ZNF740: variants seen among roughly 807,000 people sequenced by gnomAD.
ZNF740 encodes the protein oriLyt TD-element-binding protein 7.
Under a neutral mutation model 24.8 loss-of-function variants are expected in ZNF740, and 14 were observed. That is an observed-to-expected ratio of 0.56 (90% CI 0.37 to 0.88). The LOEUF is 0.88. Ranked by LOEUF, ZNF740 falls within the 40% of genes least tolerant of loss-of-function variation. ZNF740 has a pLI of 0.00. For synonymous variants in ZNF740, 69 were observed against 84.0 expected (o/e 0.82, Z 0.98); for missense variants, 201 against 247.9 (o/e 0.81, Z 1.27).
At chr12:53,182,147 G>A in intron 2 of ZNF740, 155 bp downstream of exon 2, 2 of 1,080,340 alleles carry the variant, frequency 1.9e-6, no homozygotes, top group Non-Finnish European at 2.7e-6. Context: ...AAGGAGACAG[G>A]CCACAGCCCC....
intron 2 of ZNF740, among the ~76,000 whole-genome samples, chr12:53,183,973 G>A (rs972909024): frequency 1.3e-5 from 2 of 152,002 alleles, no homozygotes; most frequent in African/African-American, 2.4e-5. Context: ...GCAGTGAGCC[G>A]AGATCGTGCC....
chr12:53,194,398 C>T lies in ZNF740; in HGVS notation c.*6808C>T. 1 of 1,575,864 alleles carries T rather than the reference C, an allele frequency of 6.3e-7. No individual in the cohort carries two copies. The highest frequency in any genetic ancestry group is 1.1e-5 in the South Asian group (1 of 88,446). On this transcript the variant is annotated 3_prime_UTR_variant, in exon 7 of 7. Coordinates refer to ENST00000416904, the MANE Select transcript of ZNF740 (RefSeq NM_001004304.4). ...CGTGAAGGCAGAAAAGGACTCCAAC[C>T]CCACCTTATGTCCTCTCCAGGTGTT... is the stretch of plus-strand genomic sequence containing the variant.
rs1482026475 is a variant in ZNF740 at position 53,193,062 on chromosome 12, A to G, written c.*5472A>G. 6 of 1,429,890 alleles carry G rather than the reference A, an allele frequency of 4.2e-6. No homozygotes were observed. The highest frequency in any genetic ancestry group is 2.5e-5 in the South Asian group (2 of 79,436). The allele number at this position is 1,429,890 out of a possible 1,614,324, so 88.6% of individuals were successfully genotyped here. A position where few individuals can be genotyped will look rare whatever the true frequency, so the allele number is the denominator to read the frequency against. ...CGGAATCTTTTGATATTTGCCTTCCATGCCAGGAGATTCCCAGAGCCTAAG... is the reference window on the plus strand; with the variant it reads ...CGGAATCTTTTGATATTTGCCTTCCGTGCCAGGAGATTCCCAGAGCCTAAG... On this transcript the variant is annotated 3_prime_UTR_variant, in exon 7 of 7. Transcript: ENST00000416904.
Position 53,180,807 on chromosome 12 carries a change from C to G in ZNF740, c.-338C>G. Reference sequence around the variant, plus strand: ...GGGCCTGGAGGAGGCGCCGCGCGGCCAGGGAGCCAGCGGGAGGCCGCGCCT... The same window carrying G: ...GGGCCTGGAGGAGGCGCCGCGCGGCGAGGGAGCCAGCGGGAGGCCGCGCCT... On this transcript the variant is annotated 5_prime_UTR_variant, in exon 1 of 7. Transcript: ENST00000416904. 1.1e-5 allele frequency: 14 copies of G among 1,271,882 alleles called. No individual in the cohort carries two copies. The highest frequency in any genetic ancestry group is 1.3e-5 in the Non-Finnish European group (13 of 982,104). The allele number at this position is 1,271,882 out of a possible 1,614,324, so 78.8% of individuals were successfully genotyped here.
rs560265209 is a variant in ZNF740 at position 53,191,385 on chromosome 12, C to T, written c.*3795C>T. Reference sequence around the variant, plus strand: ...GCCCAGATGGATGCAAGGTTGCAGGCATGGGAAGCAGCCCTCTTGGGTGTC... The same window carrying T: ...GCCCAGATGGATGCAAGGTTGCAGGTATGGGAAGCAGCCCTCTTGGGTGTC... On this transcript the variant is annotated 3_prime_UTR_variant, in exon 7 of 7. Coordinates refer to ENST00000416904, the MANE Select transcript of ZNF740 (RefSeq NM_001004304.4). 3 of 637,472 alleles carry T rather than the reference C, an allele frequency of 4.7e-6. No homozygotes were observed. The highest frequency in any genetic ancestry group is 2.8e-5 in the East Asian group (1 of 36,276). 39.5% of individuals were successfully genotyped at this position (637,472 alleles called of 1,614,324 possible). A position where few individuals can be genotyped will look rare whatever the true frequency, so the allele number is the denominator to read the frequency against.
chr12:53,191,458 G>T lies in ZNF740; in HGVS notation c.*3868G>T. 1 of 945,548 alleles carries T rather than the reference G, an allele frequency of 1.1e-6. No homozygotes were observed. The highest frequency in any genetic ancestry group is 1.7e-6 in the Non-Finnish European group (1 of 574,406). The allele number at this position is 945,548 out of a possible 1,614,324, so 58.6% of individuals were successfully genotyped here. A position where few individuals can be genotyped will look rare whatever the true frequency, so the allele number is the denominator to read the frequency against. On this transcript the variant is annotated 3_prime_UTR_variant, in exon 7 of 7. Transcript: ENST00000416904. ...GTGGCCGCACCTCGCCAGTGAATTA[G>T]TCCCCTACCAAGGTCTTACAGACCC...
Position 53,185,027 on chromosome 12 carries a change from G to A in ZNF740, c.146G>A (p.Arg49Lys), listed in dbSNP as rs1941795886. Reference protein sequence around the residue: ...GERAGSPDVLRCSSQGHRKDS... With the variant: ...GERAGSPDVLKCSSQGHRKDS... ...CGGGCAGGTAGCCCTGATGTGCTGA[G>A]GTGCTCGAGTCAGGTACAGCGCTTG... Residue 49 changes from arginine to lysine, a missense_variant, in exon 3 of 7, where the codon AGG becomes AAG. This residue lies in a region of ZNF740 where 117 missense variants were observed against 122.3 expected (regional missense o/e 0.96). Transcript: ENST00000416904. 6.2e-7 allele frequency: 1 copy of A among 1,613,854 alleles called. No homozygotes were observed. The highest frequency in any genetic ancestry group is 1.1e-5 in the South Asian group (1 of 91,086).
rs1432343623 is a variant in ZNF740 at position 53,193,706 on chromosome 12, A to G, written c.*6116A>G. On this transcript the variant is annotated 3_prime_UTR_variant, in exon 7 of 7. Coordinates refer to ENST00000416904, the MANE Select transcript of ZNF740 (RefSeq NM_001004304.4). ...TGGTTGAAGGGAAGAGGAGGCCCTC[A>G]CCTGCATACACCACATTGTAGGTGT... The G allele has an allele frequency of 1.2e-6, 2 of 1,608,118 alleles. No individual in the cohort carries two copies. Among genetic ancestry groups the G allele is most frequent in the East Asian group, 2.2e-5 (1 of 44,818 alleles).
intron 6 of ZNF740, 35 bp downstream of exon 6, chr12:53,186,544 A>G (rs1164309901): frequency 4.9e-5 from 74 of 1,507,194 alleles, no homozygotes; most frequent in Non-Finnish European, 3.6e-6. Flanking sequence ...CCCCACACAC[A>G]CTTTTCCTTC....
chr12:53,184,810 A>G, intron 2 of ZNF740, 81 bp from the exon 3 acceptor site: 1 of 1,497,880 alleles, frequency 6.7e-7, no homozygotes, highest in South Asian at 1.2e-5. Flanking sequence ...CAGGGTGTAA[A>G]AGGTAGTTCT....
rs779713187 is a variant in ZNF740 at position 53,180,845 on chromosome 12, C to G, written c.-308+8C>G. On this transcript the variant is annotated splice_region_variant and intron_variant, in intron 1 of 6. Coordinates refer to ENST00000416904, the MANE Select transcript of ZNF740 (RefSeq NM_001004304.4). ...GGAGGCCGCGCCTGGCAGGTAGGAGCAAGCCCCAAAGACCGCAGCGTCGTC... is the reference window on the plus strand; with the variant it reads ...GGAGGCCGCGCCTGGCAGGTAGGAGGAAGCCCCAAAGACCGCAGCGTCGTC... 7.9e-7 allele frequency: 1 copy of G among 1,269,540 alleles called. No homozygotes were observed. Among genetic ancestry groups the G allele is most frequent in the South Asian group, 1.3e-5 (1 of 78,734 alleles). 78.6% of individuals were successfully genotyped at this position (1,269,540 alleles called of 1,614,324 possible).
chr12:53,181,179 C>T (rs1401247568), intron 1 of ZNF740: 4 of 985,388 alleles, frequency 4.1e-6, no homozygotes, highest in Non-Finnish European at 3.6e-6. Flanking sequence ...ACACGCCGCG[C>T]CGGGCTTCGC....
chr12:53,182,602 A>T (rs535436782), intron 2 of ZNF740, among the ~76,000 whole-genome samples: 4 of 152,140 alleles, frequency 2.6e-5, no homozygotes, highest in Non-Finnish European at 4.4e-5. Flanking sequence ...AGGTTGAAAG[A>T]TGCATAGGAT....
chr12:53,192,497 G>C lies in ZNF740; in HGVS notation c.*4907G>C. The C allele has an allele frequency of 6.2e-7, 1 of 1,614,162 alleles. No homozygotes were observed. The highest frequency in any genetic ancestry group is 8.5e-7 in the Non-Finnish European group (1 of 1,180,044). On this transcript the variant is annotated 3_prime_UTR_variant, in exon 7 of 7. Transcript: ENST00000416904. ...GGCACAAGCTGTACTGCAGTTGGTG[G>C]CCAGTGGGCCAGTCCTGAAGGCCCC... is the stretch of plus-strand genomic sequence containing the variant.
rs80201470 is a variant in ZNF740 at position 53,191,494 on chromosome 12, T to C, written c.*3904T>C. On this transcript the variant is annotated 3_prime_UTR_variant, in exon 7 of 7. Transcript: ENST00000416904. ...AGGTCTTACAGACCCACCCTTCCTC[T>C]CACCCTCCAGTTCCCACTGTCCTCC... 5.7e-3 allele frequency: 7,604 copies of C among 1,343,732 alleles called. 333 individuals are homozygous for C. The African/African-American group carries it at 0.095, about 17-fold the overall frequency. 83.2% of individuals were successfully genotyped at this position (1,343,732 alleles called of 1,614,324 possible).
intron 2 of ZNF740, among the ~76,000 whole-genome samples, chr12:53,184,111 A>AGGGG (rs202020473): frequency 1.7e-4 from 17 of 97,818 alleles, no homozygotes; most frequent in African/African-American, 5.6e-4. Context: ...TCTGAAGCTA[A>AGGGG]GGGGTGTGTG....
At position 53,186,044 on chromosome 12, in the gene ZNF740, T is replaced by A; in HGVS notation, c.340T>A (p.Tyr114Asn). 6.2e-7 allele frequency: 1 copy of A among 1,613,996 alleles called. No individual in the cohort carries two copies. The highest frequency in any genetic ancestry group is 8.5e-7 in the Non-Finnish European group (1 of 1,179,852). Residue 114 changes from tyrosine to asparagine, a missense_variant, in exon 5 of 7, where the codon TAC becomes AAC. Tyr to Asn is a moderately radical substitution (Grantham distance 143, BLOSUM62 -2). This residue lies in a region of ZNF740 where 60 missense variants were observed against 107.8 expected (regional missense o/e 0.56). Coordinates refer to ENST00000416904, the MANE Select transcript of ZNF740 (RefSeq NM_001004304.4). ...CTGCTTTGGAGCCTTTCGGAGCAGT[T>A]ACCACCTAAAGAGGCACATCCTTAT... ...EHCFGAFRSSYHLKRHILIHT... is the reference protein window; with the variant it reads ...EHCFGAFRSSNHLKRHILIHT...
rs1941873616 is a variant in ZNF740, at chr12:53,188,786, A to C, written c.*1196A>C. 6.6e-6 allele frequency: 1 copy of C among 152,140 alleles called. No individual in the cohort carries two copies. The highest frequency in any genetic ancestry group is 2.4e-5 in the African/African-American group (1 of 41,414). The allele number at this position is 152,140 out of a possible 1,614,324, so 9.4% of individuals were successfully genotyped here. On this transcript the variant is annotated 3_prime_UTR_variant, in exon 7 of 7. Coordinates refer to ENST00000416904, the MANE Select transcript of ZNF740 (RefSeq NM_001004304.4). ...TGGGGGTGGGGGTGCTGCAGAGAAAAGACTAAAGAAGAAACCTAATGTAGG... is the reference window on the plus strand; with the variant it reads ...TGGGGGTGGGGGTGCTGCAGAGAAACGACTAAAGAAGAAACCTAATGTAGG...
intron 6 of ZNF740, 118 bp from the exon 7 acceptor site, chr12:53,187,383 T>TCTGTGCA (rs1941844297): frequency 3.8e-6 from 3 of 795,548 alleles, no homozygotes; most frequent in Non-Finnish European, 6.3e-6. Flanking sequence ...GCTCCTGCTG[T>TCTGTGCA]CTGTGCACGT....
Sources: allele counts gnomAD v4.1 joint callset (sites outside exome capture counted in the v4.1 genomes callset), GRCh38; gene constraint gnomAD v4.1.1; regional missense constraint gnomAD v4.1.1; transcripts MANE v1.5; gene names NCBI Gene and HGNC (gene_info 2026-07-23, HGNC 2026-07-21).